Variants in ANKRD45 observed in about 807,000 individuals in gnomAD.
ANKRD45 encodes the protein ankyrin repeat domain 45.
ANKRD45 carries 21 observed loss-of-function variants against 28.1 expected under a neutral mutation model. The observed-to-expected ratio is 0.75, with a 90% CI of 0.53 to 1.08. ANKRD45 has a LOEUF of 1.08. ANKRD45 is among the 50% of genes least tolerant of loss of function. ANKRD45 has a pLI of 0.00. For synonymous variants in ANKRD45, 86 were observed against 103.9 expected (o/e 0.83, Z 1.05); for missense variants, 261 against 308.7 (o/e 0.85, Z 1.16).
At chr1:173,707,221 T>C in the ANKRD45 span, among the ~76,000 whole-genome samples, 1 of 152,180 alleles carries the variant, frequency 6.6e-6, no homozygotes, top group Non-Finnish European at 1.5e-5. Flanking sequence ...GTGTTTTTCC[T>C]AATTGTCATT....
In ANKRD45 at chr1:173,609,594, AT is replaced by A. The variant is rs1667057596; in HGVS notation, c.*550del. The A allele has an allele frequency of 6.6e-6, 1 of 152,606 alleles. No individual in the cohort carries two copies. The highest frequency in any genetic ancestry group is 1.5e-5 in the Non-Finnish European group (1 of 68,376). The allele number at this position is 152,606 out of a possible 1,614,324, so 9.5% of individuals were successfully genotyped here. ...AAACTATACAGATTTGTGTTTATTA[AT>A]TTACAGATAGAAGGAGGTCAAAGAT... On this transcript the variant is annotated 3_prime_UTR_variant, in exon 6 of 6. Transcript: ENST00000333279.
the ANKRD45 span, among the ~76,000 whole-genome samples, chr1:173,689,293 A>C: frequency 6.6e-6 from 1 of 152,132 alleles, no homozygotes; most frequent in Non-Finnish European, 1.5e-5. Flanking sequence ...GGTCCTCCAG[A>C]TAGAGGCTGG....
intron 1 of ANKRD45, 92 bp from the exon 2 acceptor site, chr1:173,659,525 G>T: frequency 9.0e-7 from 1 of 1,109,934 alleles, no homozygotes. Flanking sequence ...CAATATAGAT[G>T]GTATAAAAAT....
chr1:173,637,225 A>G (rs1216509851), intron 3 of ANKRD45: 2 of 520,400 alleles, frequency 3.8e-6, no homozygotes, highest in Admixed American at 7.3e-5. Context: ...CGGACTTACT[A>G]AAGTACTAGA....
intron 3 of ANKRD45, among the ~76,000 whole-genome samples, chr1:173,632,719 A>G (rs1668248366): frequency 6.6e-6 from 1 of 152,100 alleles, no homozygotes; most frequent in Non-Finnish European, 1.5e-5. Flanking sequence ...AACAAATGCA[A>G]ATCAATTAAT....
At chr1:173,699,188 C>A in the ANKRD45 span, among the ~76,000 whole-genome samples, 1 of 152,014 alleles carries the variant, frequency 6.6e-6, no homozygotes, top group Non-Finnish European at 1.5e-5. Context: ...TAATAGCCTA[C>A]CAACCAAAAA....
chr1:173,646,983 C>T lies in ANKRD45; in HGVS notation c.359G>A (p.Trp120Ter). Reference sequence around the variant, plus strand: ...TGCTTTCAAAGTTTCCAAACGACCCCAGGCTGCAGCACAATGTAAGAGTGT... The same window carrying T: ...TGCTTTCAAAGTTTCCAAACGACCCTAGGCTGCAGCACAATGTAAGAGTGT... Reference protein sequence around the residue: ...GYTLLHCAAAWGRLETLKALV... With the variant: ...GYTLLHCAAA The change falls in exon 3 of 6, where the codon TGG becomes TAG. Residue 120 changes from tryptophan to a stop codon, truncating the protein, a stop_gained. Coordinates refer to ENST00000333279, the MANE Select transcript of ANKRD45 (RefSeq NM_198493.3). LOFTEE classifies it high-confidence loss of function. 1.2e-6 allele frequency: 2 copies of T among 1,614,096 alleles called. No individual in the cohort carries two copies. The highest frequency in any genetic ancestry group is 8.5e-7 in the Non-Finnish European group (1 of 1,179,976).
chr1:173,687,121 T>C, the ANKRD45 span, among the ~76,000 whole-genome samples: 2 of 152,222 alleles, frequency 1.3e-5, no homozygotes, highest in African/African-American at 4.8e-5. Flanking sequence ...AAACAAAATA[T>C]ATACTTTTTA....
chr1:173,691,985 G>A, the ANKRD45 span, among the ~76,000 whole-genome samples: 1 of 152,114 alleles, frequency 6.6e-6, no homozygotes, highest in Admixed American at 6.6e-5. Flanking sequence ...AGAATGATGG[G>A]GTGAGTGCTT....
intron 2 of ANKRD45, among the ~76,000 whole-genome samples, chr1:173,656,793 T>C (rs61826765): frequency 0.16 from 24,655 of 151,906 alleles, 2,226 homozygotes; most frequent in Middle Eastern, 0.32. Context: ...TTTCTGATTA[T>C]AAAGAATGCT....
intron 5 of ANKRD45, among the ~76,000 whole-genome samples, chr1:173,615,684 C>T (rs939847122): frequency 6.6e-6 from 1 of 152,082 alleles, no homozygotes; most frequent in Admixed American, 6.6e-5. Context: ...CAGTTTATAA[C>T]TCAGCAATAT....
chr1:173,624,487 CG>C lies in ANKRD45; in HGVS notation c.730+299del, dbSNP rs1207553629. ...GGGTAACAGAGGAAGACTCTGCCTC[CG>C]GGGGAAAAAAAAAAAAAAATCAAAA... is the stretch of plus-strand genomic sequence containing the variant. On this transcript the variant is annotated intron_variant, in intron 5 of 5. Coordinates refer to ENST00000333279, the MANE Select transcript of ANKRD45 (RefSeq NM_198493.3). Among the ~76,000 whole-genome samples, 5 of 125,214 alleles carry C rather than the reference CG, an allele frequency of 4.0e-5. No individual in the cohort carries two copies. The East Asian group carries it at 6.4e-4, about 16-fold the overall frequency. The allele number at this position is 125,214 out of a possible 152,430, so 82.1% of individuals were successfully genotyped here. A position where few individuals can be genotyped will look rare whatever the true frequency, so the allele number is the denominator to read the frequency against.
Position 173,659,213 on chromosome 1 carries a change from A to G in ANKRD45, c.206T>C (p.Leu69Pro). 6.2e-7 allele frequency: 1 copy of G among 1,614,182 alleles called. No homozygotes were observed. The highest frequency in any genetic ancestry group is 1.1e-5 in the South Asian group (1 of 91,084). Residue 69 changes from leucine (L) to proline (P), a missense_variant, in exon 2 of 6, where the codon CTT (leucine) becomes CCT (proline). Transcript: ENST00000333279. Reference protein sequence around the residue: ...ENPHHEQAMQLLLEEDIVGRN... With the variant: ...ENPHHEQAMQPLLEEDIVGRN... Reference sequence around the variant, plus strand: ...CCCAACGATGTCTTCTTCTAAGAGAAGCTGCATGGCCTGTTCATGATGAGG... The same window carrying G: ...CCCAACGATGTCTTCTTCTAAGAGAGGCTGCATGGCCTGTTCATGATGAGG...
At chr1:173,644,305 A>G (rs950271319) in intron 3 of ANKRD45, among the ~76,000 whole-genome samples, 1 of 152,196 alleles carries the variant, frequency 6.6e-6, no homozygotes, top group Non-Finnish European at 1.5e-5. Context: ...CCACAGCTAC[A>G]TTACTATGAA....
At chr1:173,680,827 A>G in the ANKRD45 span, among the ~76,000 whole-genome samples, 3 of 152,058 alleles carry the variant, frequency 2.0e-5, no homozygotes, top group African/African-American at 4.8e-5. Context: ...AGGGACATGC[A>G]TGAAGCTGGA....
chr1:173,688,477 CCT>C, the ANKRD45 span, among the ~76,000 whole-genome samples: 226 of 121,766 alleles, frequency 1.9e-3, 2 homozygotes, highest in Non-Finnish European at 1.6e-3. Context: ...TCTACCTCTT[CCT>C]CTCTCTCTCT....
At chr1:173,708,937 G>A in the ANKRD45 span, among the ~76,000 whole-genome samples, 1 of 152,170 alleles carries the variant, frequency 6.6e-6, no homozygotes, top group Non-Finnish European at 1.5e-5. Flanking sequence ...AAGCACCCTA[G>A]AATTCTATAG....
At chr1:173,686,943 CTTTTATAA>C in the ANKRD45 span, among the ~76,000 whole-genome samples, 2 of 151,870 alleles carry the variant, frequency 1.3e-5, no homozygotes, top group African/African-American at 4.8e-5. Flanking sequence ...TTTTTTTAAC[CTTTTATAA>C]TTTTTGTTAC....
At position 173,624,803 on chromosome 1, in the gene ANKRD45, T is replaced by C. The variant is rs771102390; in HGVS notation, c.714A>G (p.Thr238=). The change falls in exon 5 of 6, where the codon ACA becomes ACG. Residue 238 remains threonine, a synonymous_variant. Transcript: ENST00000333279. The part of the protein sequence containing the change: ...QLEDIVTPIF[T]KMTTPCQVKS... ...AAAACTTACATGGTGTAGTCATTTT[T>C]GTGAAGATAGGAGTCACAATATCTT... 1 of 1,613,532 alleles carries C rather than the reference T, an allele frequency of 6.2e-7. No homozygotes were observed. The highest frequency in any genetic ancestry group is 1.7e-5 in the Admixed American group (1 of 59,948).
Sources: allele counts gnomAD v4.1 joint callset (sites outside exome capture counted in the v4.1 genomes callset), GRCh38; gene constraint gnomAD v4.1.1; transcripts MANE v1.5; gene names NCBI Gene and HGNC (gene_info 2026-07-23, HGNC 2026-07-21).